Variants in CADM1 observed in about 807,000 individuals in gnomAD.
CADM1 encodes TSLC-1.
CADM1 carries 15 observed loss-of-function variants against 53.1 expected under a neutral mutation model. The ratio of observed to expected loss-of-function variants is 0.28; its 90% CI spans 0.19 to 0.44. The LOEUF (loss-of-function observed/expected upper bound fraction) is 0.44. Ranked by LOEUF, CADM1 falls within the 20% of genes least tolerant of loss-of-function variation. The probability of loss-of-function intolerance (pLI) is 1.00; values close to 1 mark genes in which losing one functional copy is unlikely to be tolerated. For missense variants in CADM1, 434 were observed against 611.3 expected (o/e 0.71, Z 3.06); for synonymous variants, 281 against 243.0 (o/e 1.16, Z -1.45).
At chr11:115,370,799 C>T (rs1056187704) in intron 1 of CADM1, among the ~76,000 whole-genome samples, 1 of 152,156 alleles carries the variant, frequency 6.6e-6, no homozygotes, top group Non-Finnish European at 1.5e-5. Context: ...ATATATTGAC[C>T]TCTGAAGGAA....
chr11:115,449,975 T>G (rs1328329282), intron 1 of CADM1, among the ~76,000 whole-genome samples: 1 of 143,092 alleles, frequency 7.0e-6, no homozygotes, highest in Non-Finnish European at 1.5e-5. Context: ...AACCTGGCCA[T>G]TTTTTTTTTC....
rs145373442 is a variant in CADM1, at chr11:115,271,215, T to G, written c.125-30795A>C. ...AGGAAGTAAAGGGTCAAGTTCATTC[T>G]TATAGCCACTGCCAAATACTTAAAT... is the stretch of plus-strand genomic sequence containing the variant. On this transcript the variant is annotated intron_variant, in intron 1 of 11. Coordinates refer to ENST00000331581, the MANE Select transcript of CADM1 (RefSeq NM_001301043.2). 7.5e-3 allele frequency among the ~76,000 whole-genome samples: 1,137 copies of G among 152,286 alleles called. 13 individuals carry two copies. Among genetic ancestry groups the G allele is most frequent in the Middle Eastern group, 0.051 (15 of 294 alleles).
At chr11:115,203,658 G>C (rs1360659594) in intron 8 of CADM1, among the ~76,000 whole-genome samples, 1 of 152,096 alleles carries the variant, frequency 6.6e-6, no homozygotes, top group African/African-American at 2.4e-5. Context: ...TTAAAATAAA[G>C]AGCATAAAGT....
At chr11:115,332,402 G>A (rs1054557990) in intron 1 of CADM1, among the ~76,000 whole-genome samples, 3 of 152,116 alleles carry the variant, frequency 2.0e-5, no homozygotes, top group Non-Finnish European at 2.9e-5. Flanking sequence ...TGAAGATGAA[G>A]GTCATTTTAG....
intron 1 of CADM1, among the ~76,000 whole-genome samples, chr11:115,271,224 C>A (rs553370823): frequency 6.6e-6 from 1 of 152,254 alleles, no homozygotes; most frequent in East Asian, 1.9e-4. Flanking sequence ...CTTATAGCCA[C>A]TGCCAAATAC....
At chr11:115,251,841 G>T (rs745402485) in intron 1 of CADM1, among the ~76,000 whole-genome samples, 2 of 152,190 alleles carry the variant, frequency 1.3e-5, no homozygotes, top group Non-Finnish European at 2.9e-5. Flanking sequence ...TTAAGCCACA[G>T]TTTGATGAAG....
At chr11:115,283,316 G>A (rs1415463402) in intron 1 of CADM1, among the ~76,000 whole-genome samples, 1 of 152,174 alleles carries the variant, frequency 6.6e-6, no homozygotes, top group Non-Finnish European at 1.5e-5. Flanking sequence ...TAGGTTGGTA[G>A]AAGGAAGTCA....
At chr11:115,476,249 T>C (rs1949128083) in intron 1 of CADM1, among the ~76,000 whole-genome samples, 1 of 152,208 alleles carries the variant, frequency 6.6e-6, no homozygotes, top group Non-Finnish European at 1.5e-5. Flanking sequence ...TAACTTATAT[T>C]CTAATTTTAT....
At chr11:115,178,860 G>A (rs1272009290) in intron 10 of CADM1, 85 bp from the exon 11 acceptor site, 1 of 1,454,198 alleles carries the variant, frequency 6.9e-7, no homozygotes, top group Non-Finnish European at 9.6e-7. Flanking sequence ...AGGGTCAGAG[G>A]GTCACCTTCT....
chr11:115,401,227 T>C (rs536734693), intron 1 of CADM1, among the ~76,000 whole-genome samples: 1 of 152,150 alleles, frequency 6.6e-6, no homozygotes, highest in South Asian at 2.1e-4. Context: ...TATTAATAAA[T>C]GAAGAAGCCA....
chr11:115,439,247 A>G (rs758845142), intron 1 of CADM1, among the ~76,000 whole-genome samples: 15 of 152,182 alleles, frequency 9.9e-5, no homozygotes, highest in Non-Finnish European at 2.9e-5. Context: ...GTGGAGGCAA[A>G]GATAATATTA....
In CADM1 at chr11:115,402,712, T is replaced by TC. The variant is rs558330000; in HGVS notation, c.124+101558dup. Among the ~76,000 whole-genome samples, 830 of 152,028 alleles carry TC rather than the reference T, an allele frequency of 5.5e-3. 2 individuals carry two copies. Among genetic ancestry groups the TC allele is most frequent in the Middle Eastern group, 0.014 (4 of 294 alleles). On this transcript the variant is annotated intron_variant, in intron 1 of 11. Coordinates refer to ENST00000331581, the MANE Select transcript of CADM1 (RefSeq NM_001301043.2). ...AATAAGAGACATAACATTTTTTTTT[T>TC]CACTGATCAGATTGGCAAAACTCCA...
rs1183928700 is a variant in CADM1 at position 115,229,112 on chromosome 11, C to T, written c.721+1G>A. 6.2e-7 allele frequency: 1 copy of T among 1,613,850 alleles called. No individual in the cohort carries two copies. The highest frequency in any genetic ancestry group is 2.2e-5 in the East Asian group (1 of 44,842). On this transcript the variant is annotated splice_donor_variant, in intron 5 of 11. Coordinates refer to ENST00000331581, the MANE Select transcript of CADM1 (RefSeq NM_001301043.2). LOFTEE classifies it high-confidence loss of function. ...TCAGAATAAGATACCAGGGTACTCA[C>T]ACTGTACTTCTAGATACCGCTGGGT...
At chr11:115,365,293 A>C (rs1045172777) in intron 1 of CADM1, among the ~76,000 whole-genome samples, 2 of 152,228 alleles carry the variant, frequency 1.3e-5, no homozygotes, top group African/African-American at 4.8e-5. Flanking sequence ...GAATGTTTGA[A>C]TGGCCTTCAT....
chr11:115,261,430 G>A (rs1040191720), intron 1 of CADM1, among the ~76,000 whole-genome samples: 3 of 152,052 alleles, frequency 2.0e-5, no homozygotes, highest in Non-Finnish European at 4.4e-5. Flanking sequence ...ATATAGTCAT[G>A]GTAGAAAAAG....
intron 1 of CADM1, among the ~76,000 whole-genome samples, chr11:115,477,557 C>T (rs1481312359): frequency 1.3e-5 from 2 of 152,192 alleles, no homozygotes; most frequent in African/African-American, 4.8e-5. Flanking sequence ...GTAGCTTTCT[C>T]CTAACAGATA....
At chr11:115,501,048 GCT>G (rs771495683) in intron 1 of CADM1, among the ~76,000 whole-genome samples, 2 of 152,198 alleles carry the variant, frequency 1.3e-5, no homozygotes, top group Non-Finnish European at 2.9e-5. Context: ...AGAACTGCCT[GCT>G]CTTTTATTCC....
At chr11:115,352,452 C>T (rs1024463773) in intron 1 of CADM1, among the ~76,000 whole-genome samples, 1 of 152,216 alleles carries the variant, frequency 6.6e-6, no homozygotes, top group African/African-American at 2.4e-5. Flanking sequence ...CACATCTAAA[C>T]TGATATTTTT....
At position 115,175,531 on chromosome 11, in the gene CADM1, T is replaced by A; in HGVS notation, c.*943A>T. On this transcript the variant is annotated 3_prime_UTR_variant, in exon 12 of 12. Transcript: ENST00000331581. Reference sequence around the variant, plus strand: ...CCAGAGCAGAACTGTATTTCCCCCCTCCCTACTTCCCCTCCTGTGGCAACT... The same window carrying A: ...CCAGAGCAGAACTGTATTTCCCCCCACCCTACTTCCCCTCCTGTGGCAACT... 1 of 985,446 alleles carries A rather than the reference T, an allele frequency of 1.0e-6. No individual in the cohort carries two copies. Among genetic ancestry groups the A allele is most frequent in the African/African-American group, 1.7e-5 (1 of 57,314 alleles). The allele number at this position is 985,446 out of a possible 1,614,324, so 61.0% of individuals were successfully genotyped here.
Sources: gnomAD v4.1 joint callset for allele counts (sites outside exome capture counted in the v4.1 genomes callset) on GRCh38, gnomAD v4.1.1 for gene constraint, MANE v1.5 for transcripts, NCBI Gene and HGNC (gene_info 2026-07-23, HGNC 2026-07-21) for gene names.